SLC8A1: variants seen among roughly 807,000 people sequenced by gnomAD.
The protein encoded by SLC8A1 is solute carrier family 8 member A1.
SLC8A1 carries 18 observed loss-of-function variants against 68.3 expected under a neutral mutation model. The ratio of observed to expected loss-of-function variants is 0.26; its 90% confidence interval spans 0.18 to 0.39. The LOEUF is 0.39. Among genes scored for constraint, SLC8A1 ranks in the 10% least tolerant of loss-of-function variants. The pLI is 1.00. For missense variants in SLC8A1, 985 were observed against 1,156.7 expected (o/e 0.85, Z 2.15); for synonymous variants, 475 against 415.5 (o/e 1.14, Z -1.74).
chr2:40,289,022 T>G (rs566874611), intron 2 of SLC8A1, among the ~76,000 whole-genome samples: 2 of 151,826 alleles, frequency 1.3e-5, no homozygotes, highest in African/African-American at 2.4e-5. Context: ...ATCTTTTGAC[T>G]GGACAATATT....
chr2:40,298,388 G>A (rs772690367), intron 2 of SLC8A1, among the ~76,000 whole-genome samples: 4 of 152,110 alleles, frequency 2.6e-5, no homozygotes, highest in East Asian at 3.9e-4. Flanking sequence ...TTGGAAAACC[G>A]GGTATACTTT....
intron 2 of SLC8A1, among the ~76,000 whole-genome samples, chr2:40,299,040 A>G (rs1399755133): frequency 6.6e-6 from 1 of 152,114 alleles, no homozygotes; most frequent in African/African-American, 2.4e-5. Context: ...AAAGAGTAAG[A>G]AAAACACAAT....
intron 2 of SLC8A1, among the ~76,000 whole-genome samples, chr2:40,264,975 G>T (rs1234856159): frequency 1.3e-5 from 2 of 152,186 alleles, no homozygotes; most frequent in African/African-American, 4.8e-5. Context: ...CACAGGGGAA[G>T]ATACACTTCA....
exon 8 of SLC8A1, chr2:40,105,712 C>T (rs1394119360): frequency 6.6e-6 from 1 of 152,082 alleles, no homozygotes; most frequent in Non-Finnish European, 1.5e-5. Context: ...TCTGGAAAGG[C>T]TTGTCAAACA....
chr2:40,408,461 C>G (rs1255493905), intron 2 of SLC8A1, among the ~76,000 whole-genome samples: 2 of 152,190 alleles, frequency 1.3e-5, no homozygotes, highest in Non-Finnish European at 2.9e-5. Context: ...TTTCTCCATT[C>G]TCCTCCTAAA....
intron 1 of SLC8A1, among the ~76,000 whole-genome samples, chr2:40,466,549 C>T (rs768205726): frequency 6.6e-6 from 1 of 152,200 alleles, no homozygotes; most frequent in Non-Finnish European, 1.5e-5. Context: ...AAATCCACAA[C>T]TGCTCTGAGC....
intron 7 of SLC8A1, among the ~76,000 whole-genome samples, chr2:40,117,938 A>C (rs936102462): frequency 6.6e-6 from 1 of 152,226 alleles, no homozygotes; most frequent in East Asian, 1.9e-4. Flanking sequence ...CATCTGCAGT[A>C]TGACATTCTT....
At chr2:40,356,767 C>T (rs1672781852) in intron 2 of SLC8A1, among the ~76,000 whole-genome samples, 1 of 152,194 alleles carries the variant, frequency 6.6e-6, no homozygotes, top group Non-Finnish European at 1.5e-5. Flanking sequence ...CTTTTTCAGG[C>T]TGTCAACTCT....
In SLC8A1 at chr2:40,235,849, C is replaced by T. The variant is rs1475345171; in HGVS notation, c.1809-57994G>A. Among the ~76,000 whole-genome samples the T allele has an allele frequency of 1.6e-4, 24 of 150,784 alleles. No individual in the cohort carries two copies. In the East Asian group the frequency reaches 2.3e-3, roughly 15 times the overall value. ...AACATCTTTATTTCTGCCTTCATTT[C>T]GTTATGTACCCAGTAGTCATTCAGG... On this transcript the variant is annotated intron_variant, in intron 2 of 7. Transcript: ENST00000406785.
chr2:40,333,077 T>C (rs1360567930), intron 2 of SLC8A1, among the ~76,000 whole-genome samples: 1 of 152,234 alleles, frequency 6.6e-6, no homozygotes, highest in Non-Finnish European at 1.5e-5. Context: ...GGATTAAAAA[T>C]TGATTCAGCA....
Position 40,299,200 on chromosome 2 carries a change from C to T in SLC8A1, c.1809-121345G>A, listed in dbSNP as rs372780919. Among the ~76,000 whole-genome samples, 89 of 152,258 alleles carry T rather than the reference C, an allele frequency of 5.8e-4. No homozygotes were observed. In the South Asian group the frequency reaches 0.011, roughly 20 times the overall value. On this transcript the variant is annotated intron_variant, in intron 2 of 7. Transcript: ENST00000406785. The stretch of plus-strand genomic sequence containing the variant: ...TTGGGCTGCACCTACCAGCTAATGG[C>T]TCTGTGACTCTGTGTCACAAACCAT...
intron 2 of SLC8A1, among the ~76,000 whole-genome samples, chr2:40,235,099 T>A (rs2060190037): frequency 1.3e-5 from 2 of 152,176 alleles, no homozygotes; most frequent in Admixed American, 1.3e-4. Context: ...GGTATCAGAA[T>A]GATGCTGGCT....
chr2:40,411,585 TA>T (rs540450581), intron 2 of SLC8A1, among the ~76,000 whole-genome samples: 89 of 151,912 alleles, frequency 5.9e-4, no homozygotes, highest in African/African-American at 2.0e-3. Flanking sequence ...ACGTTGTCTT[TA>T]AAAAAACCTG....
chr2:40,304,971 T>C (rs1193095671), intron 2 of SLC8A1, among the ~76,000 whole-genome samples: 4 of 152,206 alleles, frequency 2.6e-5, no homozygotes, highest in Admixed American at 2.6e-4. Context: ...TTCTAAACTT[T>C]AGAGTGCATC....
At chr2:40,150,480 C>A (rs10167639) in intron 6 of SLC8A1, among the ~76,000 whole-genome samples, 1 of 152,012 alleles carries the variant, frequency 6.6e-6, no homozygotes, top group East Asian at 1.9e-4. Flanking sequence ...AAAGTCCCCT[C>A]ATGCCTCACA....
intron 2 of SLC8A1, among the ~76,000 whole-genome samples, chr2:40,306,414 T>G (rs2072605126): frequency 6.8e-6 from 1 of 147,682 alleles, no homozygotes; most frequent in African/African-American, 2.5e-5. Context: ...ACTGAAGGTG[T>G]AAGGGCATTT....
chr2:40,332,686 A>G (rs1013985206), intron 2 of SLC8A1, among the ~76,000 whole-genome samples: 1 of 152,228 alleles, frequency 6.6e-6, no homozygotes, highest in Non-Finnish European at 1.5e-5. Flanking sequence ...TTCTTATGGG[A>G]AAGGAATGTC....
At chr2:40,200,202 ATATAAATATATATATATTTTTT>A (rs1457083261) in intron 2 of SLC8A1, among the ~76,000 whole-genome samples, 114 of 11,276 alleles carry the variant, frequency 0.01, 8 homozygotes, top group African/African-American at 0.02. Context: ...TTATATATAT[ATATAAATATATATATATTTTTT>A]TATATATATA....
chr2:40,263,163 C>T (rs988478155), intron 2 of SLC8A1, among the ~76,000 whole-genome samples: 2 of 152,218 alleles, frequency 1.3e-5, no homozygotes, highest in African/African-American at 4.8e-5. Flanking sequence ...CATGCTCCAC[C>T]ATTTGCTGGT....
Sources: gnomAD v4.1 joint callset for allele counts (sites outside exome capture counted in the v4.1 genomes callset) on GRCh38, gnomAD v4.1.1 for gene constraint, MANE v1.5 for transcripts, NCBI Gene and HGNC (gene_info 2026-07-23, HGNC 2026-07-21) for gene names.